PTPRK: variants seen among roughly 807,000 people sequenced by gnomAD.
PTPRK encodes receptor-type tyrosine-protein phosphatase kappa.
In PTPRK, 75 loss-of-function variants were observed where a neutral mutation model predicts 178.0. The observed-to-expected ratio is 0.42, with a 90% CI of 0.35 to 0.51. The LOEUF (loss-of-function observed/expected upper bound fraction) is 0.51, where lower values mean the gene tolerates loss of function less well. PTPRK is among the 20% of genes least tolerant of loss of function. The probability of loss-of-function intolerance (pLI) is 0.02; values close to 1 mark genes in which losing one functional copy is unlikely to be tolerated. For synonymous variants in PTPRK, 637 were observed against 620.6 expected, an observed-to-expected ratio of 1.03 and a Z score of -0.39; for missense variants, 1,441 against 1,797.8, an observed-to-expected ratio of 0.80 and a Z score of 3.59.
chr6:128,177,818 C>T (rs1394903585), intron 7 of PTPRK, among the ~76,000 whole-genome samples: 1 of 151,744 alleles, frequency 6.6e-6, no homozygotes. Flanking sequence ...CCTTATAAGT[C>T]AGTCTGTCTC....
chr6:128,228,954 A>C (rs773891827), intron 5 of PTPRK, among the ~76,000 whole-genome samples: 9 of 152,186 alleles, frequency 5.9e-5, no homozygotes, highest in Non-Finnish European at 1.3e-4. Flanking sequence ...ATGTGAATGA[A>C]AGATTTCATA....
At chr6:128,472,858 G>A (rs1187250828) in intron 1 of PTPRK, among the ~76,000 whole-genome samples, 1 of 151,978 alleles carries the variant, frequency 6.6e-6, no homozygotes, top group Non-Finnish European at 1.5e-5. Flanking sequence ...GTTTTACTGG[G>A]ACAAAATCAT....
At chr6:127,987,875 C>T (rs1443900979) in intron 21 of PTPRK, among the ~76,000 whole-genome samples, 1 of 152,000 alleles carries the variant, frequency 6.6e-6, no homozygotes. Context: ...TGTTGAATCA[C>T]CTTTATCATG....
At chr6:128,133,933 C>T (rs1794636591) in intron 7 of PTPRK, among the ~76,000 whole-genome samples, 2 of 151,964 alleles carry the variant, frequency 1.3e-5, no homozygotes, top group Non-Finnish European at 2.9e-5. Context: ...TCTTTTATTT[C>T]CCCCAAATTT....
chr6:128,474,517 C>T (rs1168717129), intron 1 of PTPRK, among the ~76,000 whole-genome samples: 1 of 151,974 alleles, frequency 6.6e-6, no homozygotes, highest in Admixed American at 6.6e-5. Flanking sequence ...CAACATATGG[C>T]TATATAAGTA....
chr6:128,295,116 T>A (rs776163157), intron 3 of PTPRK, among the ~76,000 whole-genome samples: 1 of 152,144 alleles, frequency 6.6e-6, no homozygotes, highest in Admixed American at 6.6e-5. Context: ...TTAATTTACA[T>A]TTGAAATACA....
At chr6:128,271,323 A>C (rs1819780842) in intron 3 of PTPRK, among the ~76,000 whole-genome samples, 1 of 152,160 alleles carries the variant, frequency 6.6e-6, no homozygotes, top group African/African-American at 2.4e-5. Context: ...TAAGTGCTTT[A>C]AACTCTGACA....
Position 128,008,109 on chromosome 6 carries a change from A to C in PTPRK, c.2333+1021T>G, listed in dbSNP as rs1319075255. ...ATATCTCCAGGGGATAATCGTAAAG[A>C]GGCAATATATTAAAATAAACTCTGA... On this transcript the variant is annotated intron_variant, in intron 14 of 29. Transcript: ENST00000368226. 2.3e-6 allele frequency: 3 copies of C among 1,310,050 alleles called. No individual in the cohort carries two copies. In the Admixed American group the frequency reaches 5.9e-5, roughly 26 times the overall value. 81.2% of individuals were successfully genotyped at this position (1,310,050 alleles called of 1,614,324 possible).
chr6:128,239,987 T>C (rs1814095121), intron 5 of PTPRK, 48 bp downstream of exon 5: 1 of 1,449,676 alleles, frequency 6.9e-7, no homozygotes, highest in Admixed American at 1.7e-5. Flanking sequence ...TGCAATGTTT[T>C]TAAAACATAA....
intron 7 of PTPRK, among the ~76,000 whole-genome samples, chr6:128,132,128 T>A (rs578061824): frequency 6.6e-6 from 1 of 152,204 alleles, no homozygotes; most frequent in African/African-American, 2.4e-5. Flanking sequence ...TAAAATACTA[T>A]AAAAGACAAA....
At chr6:128,126,251 T>A (rs1315900269) in intron 7 of PTPRK, among the ~76,000 whole-genome samples, 2 of 152,124 alleles carry the variant, frequency 1.3e-5, no homozygotes, top group East Asian at 3.9e-4. Flanking sequence ...CAGCGTGTGA[T>A]GTTCCCCTCC....
chr6:128,029,628 T>A (rs1249264390), intron 13 of PTPRK, among the ~76,000 whole-genome samples: 1 of 142,168 alleles, frequency 7.0e-6, no homozygotes. Flanking sequence ...CAGAGTGAGA[T>A]TCCATCTCAA....
At chr6:128,155,323 C>T (rs1797813826) in intron 7 of PTPRK, among the ~76,000 whole-genome samples, 1 of 151,672 alleles carries the variant, frequency 6.6e-6, no homozygotes, top group Non-Finnish European at 1.5e-5. Flanking sequence ...AAATCATCAC[C>T]TAAATCCATT....
chr6:128,459,109 G>C (rs1464988777), intron 1 of PTPRK, among the ~76,000 whole-genome samples: 1 of 152,066 alleles, frequency 6.6e-6, no homozygotes, highest in Non-Finnish European at 1.5e-5. Flanking sequence ...AATGTGTTGG[G>C]AATCTTTGGC....
chr6:128,491,779 T>C, intron 1 of PTPRK: 1 of 518,564 alleles, frequency 1.9e-6, no homozygotes, highest in South Asian at 1.4e-5. Context: ...GTGTGCGTGA[T>C]AGATGGCGAA....
Position 127,995,539 on chromosome 6 carries a change from C to A in PTPRK, c.2768-1G>T. On this transcript the variant is annotated splice_acceptor_variant, in intron 17 of 29. Coordinates refer to ENST00000368226, the MANE Select transcript of PTPRK (RefSeq NM_002844.4). LOFTEE classifies it high-confidence loss of function. ...TGCAAAATCACTCTGGAGTGATCAT[C>A]TAAAATTTTAAAATAATAAATATAA... 6.4e-7 allele frequency: 1 copy of A among 1,556,586 alleles called. No homozygotes were observed. The highest frequency in any genetic ancestry group is 1.2e-5 in the South Asian group (1 of 84,664).
At chr6:127,977,510 G>A (rs530280427) in intron 25 of PTPRK, among the ~76,000 whole-genome samples, 10 of 152,226 alleles carry the variant, frequency 6.6e-5, no homozygotes, top group East Asian at 1.9e-4. Context: ...GTGTGTGTGC[G>A]TGCAAGTAAA....
intron 7 of PTPRK, among the ~76,000 whole-genome samples, chr6:128,125,237 G>A (rs1793148525): frequency 6.6e-6 from 1 of 152,218 alleles, no homozygotes; most frequent in Non-Finnish European, 1.5e-5. Context: ...CCCAATGTAG[G>A]AGGTGGGACC....
At chr6:128,386,672 T>A (rs962669019) in intron 2 of PTPRK, among the ~76,000 whole-genome samples, 1 of 152,208 alleles carries the variant, frequency 6.6e-6, no homozygotes, top group Non-Finnish European at 1.5e-5. Context: ...TTCAAATAGA[T>A]GTTAATTTTC....
Sources: gnomAD v4.1 joint callset for allele counts (sites outside exome capture counted in the v4.1 genomes callset) on GRCh38, gnomAD v4.1.1 for gene constraint, MANE v1.5 for transcripts, NCBI Gene and HGNC (gene_info 2026-07-23, HGNC 2026-07-21) for gene names.